Variants in JAK3 observed in about 807,000 individuals in gnomAD.
JAK3 encodes tyrosine-protein kinase JAK3.
In JAK3, 88 loss-of-function variants were observed where a neutral mutation model predicts 120.8. The observed-to-expected ratio is 0.73, with a 90% CI of 0.61 to 0.87. The LOEUF is 0.87. Among genes scored for constraint, JAK3 ranks in the 40% least tolerant of loss-of-function variants. The pLI is 0.00. For synonymous variants in JAK3, 592 were observed against 628.6 expected, an observed-to-expected ratio of 0.94 and a Z score of 0.87; for missense variants, 1,254 against 1,501.4, an observed-to-expected ratio of 0.84 and a Z score of 2.72.
chr19:17,826,862 G>A lies in JAK3; in HGVS notation c.3256C>T (p.Pro1086Ser). The A allele has an allele frequency of 6.2e-7, 1 of 1,613,670 alleles. No individual in the cohort carries two copies. The highest frequency in any genetic ancestry group is 1.6e-4 in the Middle Eastern group (1 of 6,062). Residue 1086 changes from proline (P) to serine (S), a missense_variant, in exon 24 of 24, where the codon CCA becomes TCA. Pro to Ser is a moderately conservative substitution (Grantham distance 74). Coordinates refer to ENST00000458235, the MANE Select transcript of JAK3 (RefSeq NM_000215.4). ...LCWAPSPQDR[P>S]SFSALGPQLD... is the part of the protein sequence containing the mutation. ...TGGGGGCCCAGGGCGCTGAATGATG[G>A]CCGGTCCTGTGGGCTAGGGGCCCAG...
Position 17,843,129 on chromosome 19 carries a change from CTG to C in JAK3, c.462_463del (p.Leu156GlnfsTer5). 1 of 1,609,192 alleles carries C rather than the reference CTG, an allele frequency of 6.2e-7. No individual in the cohort carries two copies. Among genetic ancestry groups the C allele is most frequent in the Non-Finnish European group, 8.5e-7 (1 of 1,179,830 alleles). The stretch of plus-strand genomic sequence containing the variant: ...GAGACACTCACCCTGCTCCTTGAGA[CTG>C]AGGCCCACGGGGAGGCGCCCACTCA... On this transcript the variant is annotated frameshift_variant, in exon 5 of 24. Coordinates refer to ENST00000458235, the MANE Select transcript of JAK3 (RefSeq NM_000215.4). LOFTEE classifies it high-confidence loss of function. This position sits in a 1 kb window ranked among gnomAD's most constrained non-coding sequence, Gnocchi z 5.4.
Position 17,834,926 on chromosome 19 carries a change from A to T in JAK3, c.2125T>A (p.Trp709Arg), listed in dbSNP as rs748216175. ...TCCCAGACCGTGGCGCCGAAGCCCC[A>T]CTTGTCAGCTTCCAAGCTAAGTGTC... The part of the protein sequence containing the change: ...AQTLSLEADK[W>R]GFGATVWEVF... Residue 709 changes from tryptophan to arginine, a missense_variant, in exon 16 of 24, where the codon TGG becomes AGG. Physicochemically the swap from Trp to Arg is moderately radical, Grantham distance 101. Around this residue, in one of 3 missense-constraint regions of JAK3, gnomAD observed 630 missense variants for 819.8 expected, o/e 0.77. Transcript: ENST00000458235. 5 of 1,613,926 alleles carry T rather than the reference A, an allele frequency of 3.1e-6. No individual in the cohort carries two copies. The highest frequency in any genetic ancestry group is 4.2e-6 in the Non-Finnish European group (5 of 1,180,022).
chr19:17,840,219 A>G lies in JAK3; in HGVS notation c.1254+11T>C. 6.3e-7 allele frequency: 1 copy of G among 1,595,834 alleles called. No homozygotes were observed. On this transcript the variant is annotated intron_variant, in intron 9 of 23. Transcript: ENST00000458235. ...GCAGCCCTCCACTACCCACCCTAGC[A>G]GTAGACCGACCTGGACACAGACAGT... is the stretch of plus-strand genomic sequence containing the variant.
chr19:17,838,712 A>ATTTTTTT (rs35486965), intron 10 of JAK3, among the ~76,000 whole-genome samples: 1 of 99,336 alleles, frequency 1.0e-5, no homozygotes. Context: ...TGCCCGGCTA[A>ATTTTTTT]TTTTTTTTTT....
rs921109794 is a variant in JAK3 at position 17,844,500 on chromosome 19, T to C, written c.-13-70A>G. The C allele has an allele frequency of 8.6e-6, 12 of 1,401,628 alleles. No homozygotes were observed. The Admixed American group carries it at 2.2e-4, about 25-fold the overall frequency. 86.8% of individuals were successfully genotyped at this position (1,401,628 alleles called of 1,614,324 possible). On this transcript the variant is annotated intron_variant, in intron 1 of 23. Coordinates refer to ENST00000458235, the MANE Select transcript of JAK3 (RefSeq NM_000215.4). Reference sequence around the variant, plus strand: ...ATTGGACTTCTGAGCAGGGAGGGCATGGAAAGGAGTGCTGGAGGCCGGGTG... The same window carrying C: ...ATTGGACTTCTGAGCAGGGAGGGCACGGAAAGGAGTGCTGGAGGCCGGGTG...
In JAK3 at chr19:17,834,681, G is replaced by A. The variant is rs2147681731; in HGVS notation, c.2240C>T (p.Pro747Leu). ...FYEDRQQLPA[P>L]KWTELALLIQ... ...CAGCAGGGCCAGCTCTGTCCACTTGGGGGCCGGCAGCTGCTGCCGGTCCTC... is the reference window on the plus strand; with the variant it reads ...CAGCAGGGCCAGCTCTGTCCACTTGAGGGCCGGCAGCTGCTGCCGGTCCTC... The change falls in exon 17 of 24, where the codon CCC becomes CTC. Residue 747 changes from proline (P) to leucine (L), a missense_variant. Pro to Leu is a moderately conservative substitution (Grantham distance 98). This residue lies in a region of JAK3 where 630 missense variants were observed against 819.8 expected (regional missense o/e 0.77). Coordinates refer to ENST00000458235, the MANE Select transcript of JAK3 (RefSeq NM_000215.4). 6.2e-7 allele frequency: 1 copy of A among 1,614,156 alleles called. No individual in the cohort carries two copies. Among genetic ancestry groups the A allele is most frequent in the Non-Finnish European group, 8.5e-7 (1 of 1,180,032 alleles).
At chr19:17,836,094 C>T (rs2094223712) in intron 13 of JAK3, 43 bp from the exon 14 acceptor site, 2 of 1,610,458 alleles carry the variant, frequency 1.2e-6, no homozygotes, top group Non-Finnish European at 8.5e-7. Context: ...GACTGAACTG[C>T]ACTTGTGTTG....
intron 1 of JAK3, among the ~76,000 whole-genome samples, chr19:17,845,966 C>CAT (rs2147703241): frequency 6.6e-6 from 1 of 152,076 alleles, no homozygotes; most frequent in Admixed American, 6.5e-5. Context: ...TACAGGGGCA[C>CAT]GCCACCATGC....
intron 10 of JAK3, among the ~76,000 whole-genome samples, chr19:17,838,662 C>T (rs933037218): frequency 2.0e-5 from 3 of 151,786 alleles, no homozygotes; most frequent in Admixed American, 6.6e-5. Context: ...TTTCCTGCCT[C>T]GGCCTCCCGA....
chr19:17,835,137 G>A lies in JAK3; in HGVS notation c.1993C>T (p.Pro665Ser), dbSNP rs2147682978. Residue 665 changes from proline (P) to serine (S), a missense_variant, in exon 15 of 24, where the codon CCC becomes TCC. Pro to Ser is a moderately conservative substitution (Grantham distance 74). This residue lies in a region of JAK3 where 630 missense variants were observed against 819.8 expected (regional missense o/e 0.77). Coordinates refer to ENST00000458235, the MANE Select transcript of JAK3 (RefSeq NM_000215.4). The part of the protein sequence containing the change: ...LAREGADGSP[P>S]FIKLSDPGVS... ...CCAGGGTCACTCAGCTTGATGAAGG[G>A]CGGGCTCCCATCAGCCCCCTCCCGA... 6.2e-7 allele frequency: 1 copy of A among 1,614,196 alleles called. No individual in the cohort carries two copies. Among genetic ancestry groups the A allele is most frequent in the Non-Finnish European group, 8.5e-7 (1 of 1,180,034 alleles).
rs751096578 is a variant in JAK3 at position 17,834,844 on chromosome 19, G to A, written c.2199+8C>T. 1 of 1,614,016 alleles carries A rather than the reference G, an allele frequency of 6.2e-7. No individual in the cohort carries two copies. ...TTCGGAGACCGATGCCGGGTGAGGGGCTCTGACCTTAGCAGGATCCAGGGC... is the reference window on the plus strand; with the variant it reads ...TTCGGAGACCGATGCCGGGTGAGGGACTCTGACCTTAGCAGGATCCAGGGC... On this transcript the variant is annotated splice_region_variant and intron_variant, in intron 16 of 23. Coordinates refer to ENST00000458235, the MANE Select transcript of JAK3 (RefSeq NM_000215.4).
intron 23 of JAK3, 180 bp downstream of exon 23, chr19:17,829,928 C>T: frequency 1.5e-6 from 1 of 664,134 alleles, no homozygotes; most frequent in East Asian, 2.7e-5. Flanking sequence ...TAAACTGAGG[C>T]TCTGAAAGTG....
rs999980528 is a variant in JAK3 at position 17,826,074 on chromosome 19, T to A, written c.*669A>T. On this transcript the variant is annotated 3_prime_UTR_variant, in exon 24 of 24. Transcript: ENST00000458235. ...GTAGCAAGATCCTGTCTCTTAAAAA[T>A]AATAATAATAAATTTAAAAAAAAAA... 12 of 137,718 alleles carry A rather than the reference T, an allele frequency of 8.7e-5. No homozygotes were observed. Among genetic ancestry groups the A allele is most frequent in the African/African-American group, 3.4e-4 (11 of 32,810 alleles). 8.5% of individuals were successfully genotyped at this position (137,718 alleles called of 1,614,324 possible). A position where few individuals can be genotyped will look rare whatever the true frequency, so the allele number is the denominator to read the frequency against.
chr19:17,836,632 C>T, intron 13 of JAK3: 1 of 393,670 alleles, frequency 2.5e-6, no homozygotes, highest in Non-Finnish European at 4.8e-6. Context: ...CACCCCTCTT[C>T]CTTTCCTAAT....
chr19:17,846,391 C>A (rs926570988), intron 1 of JAK3, among the ~76,000 whole-genome samples: 5 of 152,096 alleles, frequency 3.3e-5, no homozygotes, highest in African/African-American at 1.2e-4. Flanking sequence ...GGGGAAAGAA[C>A]CTTACCAAAG....
intron 1 of JAK3, among the ~76,000 whole-genome samples, chr19:17,844,912 C>T (rs2094248797): frequency 1.3e-5 from 2 of 152,112 alleles, no homozygotes. Flanking sequence ...CACCCGCTCG[C>T]TCACTTGCCC....
In JAK3 at chr19:17,831,721, G is replaced by A. The variant is rs2147676812; in HGVS notation, c.2758C>T (p.Arg920Cys). ...AGAAGGAGGCGGCTGGCATCGAGGC[G>A]CGCGCGGTGCCGCTGCAGGAAGTCG... Reference protein sequence around the residue: ...LRDFLQRHRARLDASRLLLYS... With the variant: ...LRDFLQRHRACLDASRLLLYS... The change falls in exon 20 of 24, where the codon CGC becomes TGC. Residue 920 changes from arginine (R) to cysteine (C), a missense_variant. Arg to Cys is a radical substitution (Grantham distance 180). Around this residue, in one of 3 missense-constraint regions of JAK3, gnomAD observed 630 missense variants for 819.8 expected, o/e 0.77. Transcript: ENST00000458235. The surrounding 1 kb of genome is among the most constrained non-coding windows in gnomAD (Gnocchi z 5.1). 6.2e-7 allele frequency: 1 copy of A among 1,611,784 alleles called. No individual in the cohort carries two copies. The highest frequency in any genetic ancestry group is 8.5e-7 in the Non-Finnish European group (1 of 1,179,520).
At chr19:17,833,542 GAAAAAAAAAA>G in intron 17 of JAK3, among the ~76,000 whole-genome samples, 1 of 74,656 alleles carries the variant, frequency 1.3e-5, no homozygotes, top group African/African-American at 4.7e-5. Context: ...CCCCATCACA[GAAAAAAAAAA>G]AAAAAAAAAA....
intron 10 of JAK3, 44 bp from the exon 11 acceptor site, chr19:17,838,434 A>G: frequency 1.2e-6 from 2 of 1,613,400 alleles, no homozygotes; most frequent in Non-Finnish European, 1.7e-6. Flanking sequence ...ATCAGAGGTG[A>G]AAAGTCCCCA....
Sources: allele counts gnomAD v4.1 joint callset (sites outside exome capture counted in the v4.1 genomes callset), GRCh38; gene constraint gnomAD v4.1.1; regional missense constraint gnomAD v4.1.1; non-coding constraint Gnocchi (gnomAD v3.1); transcripts MANE v1.5; gene names NCBI Gene and HGNC (gene_info 2026-07-23, HGNC 2026-07-21).